UBE2V1: variants seen among roughly 807,000 people sequenced by gnomAD.
UBE2V1 encodes the protein ubiquitin conjugating enzyme E2 V1, also known as ubiquitin-conjugating enzyme E2 variant 1.
A neutral mutation model predicts 19.6 loss-of-function variants in UBE2V1; 15 were observed. The observed-to-expected ratio is 0.77, with a 90% confidence interval of 0.51 to 1.18. The LOEUF is 1.18. Among genes scored for constraint, UBE2V1 ranks in the 50% most tolerant of loss-of-function variants. UBE2V1 has a pLI of 0.00. For missense variants in UBE2V1, 125 were observed against 184.8 expected (o/e 0.68, Z 1.88); for synonymous variants, 60 against 60.7 (o/e 0.99, Z 0.05).
chr20:50,096,962 T>G (rs575926198), intron 1 of UBE2V1, 142 bp from the exon 2 acceptor site: 1 of 1,362,786 alleles, frequency 7.3e-7, no homozygotes, highest in Non-Finnish European at 9.8e-7. Flanking sequence ...ACCTCAAACT[T>G]GCTACTTATA....
Position 50,087,550 on chromosome 20 carries a change from G to A in UBE2V1, c.172-3296C>T, listed in dbSNP as rs544887935. ...AAGGAGAATTGCTGGAACATTCTGCGTCTGTGAGAAATACTGCTCTTAAGA... is the reference window on the plus strand; with the variant it reads ...AAGGAGAATTGCTGGAACATTCTGCATCTGTGAGAAATACTGCTCTTAAGA... On this transcript the variant is annotated intron_variant, in intron 2 of 3. Coordinates refer to ENST00000371674, the MANE Select transcript of UBE2V1 (RefSeq NM_001032288.3). 3.9e-5 allele frequency among the ~76,000 whole-genome samples: 6 copies of A among 152,282 alleles called. No homozygotes were observed. In the East Asian group the frequency reaches 5.8e-4, roughly 15 times the overall value.
At chr20:50,097,137 C>T (rs1323399626) in intron 1 of UBE2V1, among the ~76,000 whole-genome samples, 1 of 152,062 alleles carries the variant, frequency 6.6e-6, no homozygotes, top group Non-Finnish European at 1.5e-5. Flanking sequence ...GAATTGGGGT[C>T]AACTAGTATG....
chr20:50,104,655 C>CAAAAAAAAAA (rs113771532), intron 1 of UBE2V1, among the ~76,000 whole-genome samples: 3 of 71,612 alleles, frequency 4.2e-5, no homozygotes, highest in Non-Finnish European at 5.2e-5. Flanking sequence ...GACTCTGGCA[C>CAAAAAAAAAA]AAAAAAAAAA....
chr20:50,107,487 G>A (rs1417144606), intron 1 of UBE2V1, among the ~76,000 whole-genome samples: 2 of 152,190 alleles, frequency 1.3e-5, no homozygotes, highest in South Asian at 2.1e-4. Context: ...TTTGACAAAG[G>A]GGGAAACAAG....
intron 1 of UBE2V1, among the ~76,000 whole-genome samples, chr20:50,112,107 T>A (rs2080792095): frequency 6.6e-6 from 1 of 152,144 alleles, no homozygotes; most frequent in Non-Finnish European, 1.5e-5. Context: ...AGAGTGAGCG[T>A]CTCCACAGAA....
intron 1 of UBE2V1, among the ~76,000 whole-genome samples, chr20:50,100,958 A>T (rs2079947785): frequency 6.6e-6 from 1 of 152,222 alleles, no homozygotes; most frequent in Non-Finnish European, 1.5e-5. Context: ...TTTACTTGTG[A>T]AGTAGGGCAA....
chr20:50,083,716 T>C (rs2078748546), intron 3 of UBE2V1: 1 of 154,132 alleles, frequency 6.5e-6, no homozygotes, highest in South Asian at 2.0e-4. Flanking sequence ...TGAGACAGGT[T>C]TTTCATTTAT....
intron 1 of UBE2V1, among the ~76,000 whole-genome samples, chr20:50,099,569 C>G (rs1365526273): frequency 2.0e-5 from 3 of 152,132 alleles, no homozygotes; most frequent in Non-Finnish European, 2.9e-5. Flanking sequence ...CAATTAGGAA[C>G]CATTTCAACT....
intron 2 of UBE2V1, among the ~76,000 whole-genome samples, chr20:50,087,323 G>A (rs2078976905): frequency 1.3e-5 from 2 of 150,856 alleles, no homozygotes; most frequent in East Asian, 3.9e-4. Flanking sequence ...TTAAACCTGG[G>A]AGGTGGAAGT....
chr20:50,111,836 T>C (rs962168369), intron 1 of UBE2V1, among the ~76,000 whole-genome samples: 8 of 152,214 alleles, frequency 5.3e-5, no homozygotes, highest in Non-Finnish European at 8.8e-5. Flanking sequence ...AATATGCCAA[T>C]GATTGCTGTA....
chr20:50,113,702 G>A (rs1187986379), upstream of UBE2V1, among the ~76,000 whole-genome samples: 1 of 152,198 alleles, frequency 6.6e-6, no homozygotes, highest in Admixed American at 6.5e-5. Flanking sequence ...GGCTTGGAGT[G>A]GGTGCAGCTA....
intron 1 of UBE2V1, among the ~76,000 whole-genome samples, chr20:50,104,119 T>TA (rs1249242058): frequency 6.8e-6 from 1 of 146,442 alleles, no homozygotes; most frequent in Non-Finnish European, 1.5e-5. Context: ...CTGTCTCTAC[T>TA]AAAAATACAA....
chr20:50,087,592 GAAAC>G (rs1230548941), intron 2 of UBE2V1, among the ~76,000 whole-genome samples: 1 of 152,146 alleles, frequency 6.6e-6, no homozygotes, highest in Non-Finnish European at 1.5e-5. Flanking sequence ...ATTTGATCAT[GAAAC>G]AAACACTTTC....
chr20:50,102,478 C>A (rs781540355), intron 1 of UBE2V1, among the ~76,000 whole-genome samples: 14 of 152,122 alleles, frequency 9.2e-5, no homozygotes, highest in Non-Finnish European at 2.1e-4. Flanking sequence ...CGTAAGGATA[C>A]CTGGTCTACC....
Position 50,087,344 on chromosome 20 carries a change from C to T in UBE2V1, c.172-3090G>A, listed in dbSNP as rs533670196. Among the ~76,000 whole-genome samples, 126 of 147,918 alleles carry T rather than the reference C, an allele frequency of 8.5e-4. 3 individuals are homozygous for T. In the South Asian group the frequency reaches 0.025, roughly 30 times the overall value. ...CTGGGAGGTGGAAGTTGCAGTGAGC[C>T]GAGACTGCACCACTCCACTCCAGCC... is the stretch of plus-strand genomic sequence containing the variant. On this transcript the variant is annotated intron_variant, in intron 2 of 3. Transcript: ENST00000371674.
upstream of UBE2V1, chr20:50,113,174 C>CGG: frequency 8.0e-7 from 1 of 1,248,152 alleles, no homozygotes; most frequent in Non-Finnish European, 1.0e-6. Flanking sequence ...TCACCCCCCC[C>CGG]TTACCCGTCC....
chr20:50,101,788 C>A (rs138099872), intron 1 of UBE2V1, among the ~76,000 whole-genome samples: 1 of 152,178 alleles, frequency 6.6e-6, no homozygotes, highest in African/African-American at 2.4e-5. Flanking sequence ...AAACTGGGGT[C>A]TCCCTAACAC....
chr20:50,111,340 G>A (rs1040868303), intron 1 of UBE2V1: 2 of 996,824 alleles, frequency 2.0e-6, no homozygotes, highest in Non-Finnish European at 1.2e-6. Context: ...TGTTAACCCA[G>A]ATTGTAGGTA....
At chr20:50,095,522 G>C (rs2079569512) in intron 2 of UBE2V1, 1 of 152,248 alleles carries the variant, frequency 6.6e-6, no homozygotes, top group Non-Finnish European at 1.5e-5. Flanking sequence ...CATTCACCAT[G>C]AGTGTTGATG....
Sources: allele counts gnomAD v4.1 joint callset (sites outside exome capture counted in the v4.1 genomes callset), GRCh38; gene constraint gnomAD v4.1.1; transcripts MANE v1.5; gene names NCBI Gene and HGNC (gene_info 2026-07-23, HGNC 2026-07-21).